Variants in GRIK3 observed in about 807,000 individuals in gnomAD.
GRIK3 encodes the protein glutamate receptor ionotropic, kainate 3.
GRIK3 carries 29 observed loss-of-function variants against 102.5 expected under a neutral mutation model. The ratio of observed to expected loss-of-function variants is 0.28; its 90% CI spans 0.21 to 0.39. GRIK3 has a LOEUF of 0.39. Ranked by LOEUF, GRIK3 falls within the 10% of genes least tolerant of loss-of-function variation. The probability of loss-of-function intolerance (pLI) is 1.00; values close to 1 mark genes in which losing one functional copy is unlikely to be tolerated. For missense variants in GRIK3, 908 were observed against 1,252.4 expected (o/e 0.73, Z 4.15); for synonymous variants, 511 against 504.9 (o/e 1.01, Z -0.16).
At chr1:36,922,827 C>T (rs1001931971) in intron 1 of GRIK3, among the ~76,000 whole-genome samples, 7 of 152,142 alleles carry the variant, frequency 4.6e-5, no homozygotes. Context: ...ACTCCCTAAA[C>T]CCCTGAGCAG....
intron 1 of GRIK3, among the ~76,000 whole-genome samples, chr1:36,940,507 C>T (rs1387935766): frequency 6.6e-6 from 1 of 152,238 alleles, no homozygotes; most frequent in Non-Finnish European, 1.5e-5. Flanking sequence ...GGTAAATATT[C>T]ATGGGGGACC....
chr1:36,827,789 G>A (rs983166348), intron 10 of GRIK3, among the ~76,000 whole-genome samples: 1 of 152,090 alleles, frequency 6.6e-6, no homozygotes, highest in Admixed American at 6.5e-5. Flanking sequence ...TCCCGGCTGG[G>A]AGCAGCTGGG....
At chr1:36,839,946 G>C (rs968368946) in intron 10 of GRIK3, among the ~76,000 whole-genome samples, 1 of 152,144 alleles carries the variant, frequency 6.6e-6, no homozygotes, top group African/African-American at 2.4e-5. Flanking sequence ...GGGCTTAACC[G>C]AAGTCCCTGA....
intron 1 of GRIK3, among the ~76,000 whole-genome samples, chr1:36,912,082 T>C (rs1474700901): frequency 6.6e-6 from 1 of 152,104 alleles, no homozygotes; most frequent in African/African-American, 2.4e-5. Flanking sequence ...ATGCTGTTTC[T>C]CACCACTCCC....
chr1:36,887,648 T>C (rs893592051), intron 2 of GRIK3, among the ~76,000 whole-genome samples: 2 of 150,898 alleles, frequency 1.3e-5, no homozygotes, highest in South Asian at 4.2e-4. Context: ...CCCAGCTACT[T>C]GGGAGGCTGA....
chr1:37,033,950 C>T, intron 1 of GRIK3, 44 bp downstream of exon 1: 1 of 1,151,712 alleles, frequency 8.7e-7, no homozygotes, highest in Non-Finnish European at 1.3e-6. Flanking sequence ...CATTCCCGCC[C>T]CCTCCCGGGC....
intron 13 of GRIK3, among the ~76,000 whole-genome samples, 161 bp downstream of exon 13, chr1:36,816,899 C>T (rs1413036091): frequency 6.6e-6 from 1 of 152,204 alleles, no homozygotes; most frequent in African/African-American, 2.4e-5. Flanking sequence ...ACCACAGCTC[C>T]CCAAAGTCAA....
intron 1 of GRIK3, among the ~76,000 whole-genome samples, chr1:37,013,320 T>C (rs1642616877): frequency 1.3e-5 from 2 of 152,120 alleles, no homozygotes; most frequent in South Asian, 4.1e-4. Context: ...CCAAACCATA[T>C]CAGCCCCAGA....
At chr1:36,977,522 C>T (rs952648368) in intron 1 of GRIK3, among the ~76,000 whole-genome samples, 1 of 152,186 alleles carries the variant, frequency 6.6e-6, no homozygotes, top group Non-Finnish European at 1.5e-5. Context: ...TTCCCCTTTG[C>T]AGAGCTGGAT....
chr1:36,840,158 C>T (rs1640429092), intron 10 of GRIK3, among the ~76,000 whole-genome samples: 2 of 151,634 alleles, frequency 1.3e-5, no homozygotes, highest in Admixed American at 6.6e-5. Flanking sequence ...GCCTCAGTCT[C>T]CCTATCTGTA....
chr1:37,033,371 G>C (rs1642849331), intron 1 of GRIK3, among the ~76,000 whole-genome samples: 1 of 152,316 alleles, frequency 6.6e-6, no homozygotes, highest in South Asian at 2.1e-4. Flanking sequence ...GCGGGAGAGA[G>C]GCCTTGGCCC....
intron 1 of GRIK3, among the ~76,000 whole-genome samples, chr1:36,943,027 A>T (rs1032903800): frequency 6.6e-6 from 1 of 152,194 alleles, no homozygotes; most frequent in African/African-American, 2.4e-5. Context: ...CCCACTACAC[A>T]TTCCCACTCA....
At chr1:36,956,905 G>T (rs1223437522) in intron 1 of GRIK3, among the ~76,000 whole-genome samples, 3 of 152,250 alleles carry the variant, frequency 2.0e-5, no homozygotes, top group East Asian at 1.9e-4. Flanking sequence ...GTCATTCATT[G>T]TTCGTTCACT....
rs139418938 is a variant in GRIK3, at chr1:36,966,981, C to T, written c.115+67013G>A. Among the ~76,000 whole-genome samples the T allele has an allele frequency of 1.2e-4, 18 of 152,254 alleles. No individual in the cohort carries two copies. The East Asian group carries it at 3.1e-3, about 26-fold the overall frequency. ...GTATGGAATCCTTGCCCTCTTAATA[C>T]GTGAGAAGGACAATTAAGTTAATGT... is the stretch of plus-strand genomic sequence containing the variant. On this transcript the variant is annotated intron_variant, in intron 1 of 15. Coordinates refer to ENST00000373091, the MANE Select transcript of GRIK3 (RefSeq NM_000831.4).
rs1160155907 is a variant in GRIK3, at chr1:37,034,137, C to A, written c.-29G>T. On this transcript the variant is annotated 5_prime_UTR_variant, in exon 1 of 16. Coordinates refer to ENST00000373091, the MANE Select transcript of GRIK3 (RefSeq NM_000831.4). ...TGGGCGCCGCCGAGCGTGCCCGGGG[C>A]GCGGCCGTGGCGGGCTCCCTGGGGC... 1.5e-6 allele frequency: 2 copies of A among 1,297,750 alleles called. No homozygotes were observed. Among genetic ancestry groups the A allele is most frequent in the Non-Finnish European group, 2.1e-6 (2 of 941,160 alleles). 80.4% of individuals were successfully genotyped at this position (1,297,750 alleles called of 1,614,324 possible).
intron 9 of GRIK3, among the ~76,000 whole-genome samples, chr1:36,843,256 G>A (rs1454369026): frequency 1.3e-5 from 2 of 152,114 alleles, no homozygotes; most frequent in East Asian, 1.9e-4. Context: ...CGCTTTTGCC[G>A]GCACCGTCTA....
At chr1:36,846,881 T>C (rs1009766089) in intron 9 of GRIK3, among the ~76,000 whole-genome samples, 1 of 152,254 alleles carries the variant, frequency 6.6e-6, no homozygotes, top group African/African-American at 2.4e-5. Flanking sequence ...AGGACACTTC[T>C]GGCTAGACAG....
intron 3 of GRIK3, among the ~76,000 whole-genome samples, chr1:36,874,141 C>T (rs1384906456): frequency 3.3e-5 from 5 of 152,212 alleles, no homozygotes. Context: ...AAGAGTCCCC[C>T]TGACCTCACT....
At chr1:36,973,701 T>C (rs1642167583) in intron 1 of GRIK3, among the ~76,000 whole-genome samples, 1 of 151,840 alleles carries the variant, frequency 6.6e-6, no homozygotes, top group Admixed American at 6.6e-5. Flanking sequence ...AGTGCTGGGA[T>C]TACAGGCATG....
Sources: gnomAD v4.1 joint callset for allele counts (sites outside exome capture counted in the v4.1 genomes callset) on GRCh38, gnomAD v4.1.1 for gene constraint, MANE v1.5 for transcripts, NCBI Gene and HGNC (gene_info 2026-07-23, HGNC 2026-07-21) for gene names.